SLC24A2: variants seen among roughly 807,000 people sequenced by gnomAD.
SLC24A2 encodes the protein solute carrier family 24 member 2.
Under a neutral mutation model 62.0 loss-of-function variants are expected in SLC24A2, and 36 were observed. The ratio of observed to expected loss-of-function variants is 0.58; its 90% confidence interval spans 0.44 to 0.77. The LOEUF (loss-of-function observed/expected upper bound fraction) is 0.77, where lower values mean the gene tolerates loss of function less well. Among genes scored for constraint, SLC24A2 ranks in the 30% least tolerant of loss-of-function variants. The pLI is 0.00. For synonymous variants in SLC24A2, 358 were observed against 294.0 expected (o/e 1.22, Z -2.23); for missense variants, 846 against 817.9 (o/e 1.03, Z -0.42).
the SLC24A2 span, among the ~76,000 whole-genome samples, chr9:20,239,789 G>C: frequency 6.6e-6 from 1 of 151,820 alleles, no homozygotes; most frequent in Non-Finnish European, 1.5e-5. Flanking sequence ...ACACATAGTA[G>C]CACATAGTAA....
intron 2 of SLC24A2, among the ~76,000 whole-genome samples, chr9:19,713,635 C>A (rs1820778603): frequency 6.6e-6 from 1 of 152,068 alleles, no homozygotes; most frequent in Non-Finnish European, 1.5e-5. Context: ...GAAAGGCCTG[C>A]ATTTTCCTTC....
chr9:19,757,999 C>T (rs1822198644), intron 2 of SLC24A2, among the ~76,000 whole-genome samples: 1 of 152,040 alleles, frequency 6.6e-6, no homozygotes, highest in South Asian at 2.1e-4. Flanking sequence ...GAAAGCCCTC[C>T]CCAGAAGCCA....
At chr9:20,289,196 A>G in the SLC24A2 span, among the ~76,000 whole-genome samples, 1,066 of 152,304 alleles carry the variant, frequency 7.0e-3, 7 homozygotes, top group African/African-American at 0.023. Context: ...AGCCATAGTA[A>G]CTGAAACAGC....
chr9:19,524,386 G>T (rs1586888033), intron 9 of SLC24A2, among the ~76,000 whole-genome samples: 1 of 80,398 alleles, frequency 1.2e-5, no homozygotes, highest in African/African-American at 4.5e-5. Context: ...AAAACAATAA[G>T]AAACAAGAAC....
chr9:20,163,372 C>T, the SLC24A2 span, among the ~76,000 whole-genome samples: 1 of 152,004 alleles, frequency 6.6e-6, no homozygotes, highest in East Asian at 1.9e-4. Context: ...GAGTGAACTC[C>T]CATTCACAAT....
chr9:20,122,601 G>T, the SLC24A2 span, among the ~76,000 whole-genome samples: 1 of 152,062 alleles, frequency 6.6e-6, no homozygotes, highest in Non-Finnish European at 1.5e-5. Context: ...CAGGAGAATT[G>T]CTTGAACCCA....
chr9:19,823,336 AAC>A, the SLC24A2 span, among the ~76,000 whole-genome samples: 1 of 151,324 alleles, frequency 6.6e-6, no homozygotes, highest in Admixed American at 6.6e-5. Context: ...TGTATTCACA[AAC>A]ACATAATTTT....
the SLC24A2 span, among the ~76,000 whole-genome samples, chr9:19,917,006 G>A: frequency 6.1e-5 from 1 of 16,478 alleles, no homozygotes; most frequent in Admixed American, 6.5e-4. Context: ...TTTTTTTTGT[G>A]CCTACATTTA....
chr9:19,786,344 C>T lies in SLC24A2; in HGVS notation c.523G>A (p.Ala175Thr). The T allele has an allele frequency of 6.2e-7, 1 of 1,614,120 alleles. No homozygotes were observed. Among genetic ancestry groups the T allele is most frequent in the Non-Finnish European group, 8.5e-7 (1 of 1,180,036 alleles). ...TEKLGISDDV[A>T]GATFMAAGGS... ...CCTGCAGCCATGAAGGTGGCTCCAG[C>T]CACATCATCAGAGATGCCCAGTTTT... is the stretch of plus-strand genomic sequence containing the variant. Residue 175 changes from alanine to threonine, a missense_variant, in exon 2 of 11, where the codon GCT (alanine) becomes ACT (threonine). Coordinates refer to ENST00000341998, the MANE Select transcript of SLC24A2 (RefSeq NM_020344.4). The surrounding 1 kb of genome is among the most constrained non-coding windows in gnomAD (Gnocchi z 5.0).
intron 7 of SLC24A2, among the ~76,000 whole-genome samples, chr9:19,562,491 C>G (rs929583794): frequency 2.0e-5 from 3 of 152,166 alleles, no homozygotes; most frequent in African/African-American, 7.2e-5. Context: ...CAAATTAAGG[C>G]AGAAACTCTA....
the SLC24A2 span, among the ~76,000 whole-genome samples, chr9:20,189,070 T>C: frequency 7.8e-6 from 1 of 128,484 alleles, no homozygotes; most frequent in Non-Finnish European, 1.5e-5. Flanking sequence ...GCTTTTCTTT[T>C]TTTTTCTTTT....
chr9:19,882,600 A>G, the SLC24A2 span, among the ~76,000 whole-genome samples: 10 of 151,544 alleles, frequency 6.6e-5, no homozygotes, highest in Non-Finnish European at 1.5e-4. Context: ...CAGCGCTGCC[A>G]CTGTCAGCTT....
chr9:19,585,051 T>C (rs2132872397), intron 5 of SLC24A2, among the ~76,000 whole-genome samples: 1 of 152,276 alleles, frequency 6.6e-6, no homozygotes, highest in South Asian at 2.1e-4. Context: ...TACATAATTA[T>C]ATCTCAAGTG....
At chr9:19,710,409 G>C (rs141861814) in intron 2 of SLC24A2, among the ~76,000 whole-genome samples, 1,691 of 152,242 alleles carry the variant, frequency 0.011, 52 homozygotes, top group Admixed American at 0.068. Flanking sequence ...GCCCTATCAG[G>C]GGGGTGGTGG....
At chr9:20,067,115 AGATTTT>A in the SLC24A2 span, among the ~76,000 whole-genome samples, 1 of 152,198 alleles carries the variant, frequency 6.6e-6, no homozygotes, top group Admixed American at 6.5e-5. Flanking sequence ...ATGTTATTTT[AGATTTT>A]AACAGGTTTT....
chr9:20,292,060 G>C, the SLC24A2 span, among the ~76,000 whole-genome samples: 1 of 152,202 alleles, frequency 6.6e-6, no homozygotes. Context: ...GCCTGCACTG[G>C]ACTCCTGGAT....
chr9:20,241,831 G>A, the SLC24A2 span, among the ~76,000 whole-genome samples: 38 of 152,228 alleles, frequency 2.5e-4, no homozygotes, highest in African/African-American at 7.9e-4. Context: ...AGCAGGAGGA[G>A]CAGAGATGCA....
chr9:19,917,603 G>T, the SLC24A2 span, among the ~76,000 whole-genome samples: 1 of 151,496 alleles, frequency 6.6e-6, no homozygotes, highest in Non-Finnish European at 1.5e-5. Flanking sequence ...TATCCCTCGG[G>T]TTTTCTGTGT....
the SLC24A2 span, among the ~76,000 whole-genome samples, chr9:20,094,020 G>C: frequency 6.6e-6 from 1 of 152,200 alleles, no homozygotes; most frequent in South Asian, 2.1e-4. Flanking sequence ...AGTTTTCACG[G>C]AGTCTATGAG....
Sources: allele counts gnomAD v4.1 joint callset (sites outside exome capture counted in the v4.1 genomes callset), GRCh38; gene constraint gnomAD v4.1.1; non-coding constraint Gnocchi (gnomAD v3.1); transcripts MANE v1.5; gene names NCBI Gene and HGNC (gene_info 2026-07-23, HGNC 2026-07-21).